The following ITGA9 variants were observed in gnomAD, a reference collection of about 807,000 sequenced individuals.
The protein encoded by ITGA9 is integrin alpha-9.
In ITGA9, 56 loss-of-function variants were observed where a neutral mutation model predicts 127.8. That is an observed-to-expected ratio of 0.44 (90% confidence interval 0.35 to 0.55). The LOEUF (loss-of-function observed/expected upper bound fraction) is 0.55, where lower values mean the gene tolerates loss of function less well. ITGA9 is among the 20% of genes least tolerant of loss of function. ITGA9 has a pLI of 0.00. For missense variants in ITGA9, 1,196 were observed against 1,347.1 expected (o/e 0.89, Z 1.76); for synonymous variants, 508 against 514.5 (o/e 0.99, Z 0.17).
intron 18 of ITGA9, among the ~76,000 whole-genome samples, chr3:37,686,469 C>T (rs762398458): frequency 2.6e-5 from 4 of 152,166 alleles, no homozygotes; most frequent in African/African-American, 9.6e-5. Context: ...GCCTCCCAAG[C>T]ATGCTGGACA....
chr3:37,752,198 T>G (rs1696595111), intron 23 of ITGA9, among the ~76,000 whole-genome samples: 1 of 152,234 alleles, frequency 6.6e-6, no homozygotes, highest in Non-Finnish European at 1.5e-5. Flanking sequence ...GAATGCTCAC[T>G]GGGTCAGGTG....
chr3:37,671,084 C>T (rs530910399), intron 17 of ITGA9, among the ~76,000 whole-genome samples: 3 of 152,248 alleles, frequency 2.0e-5, no homozygotes, highest in Non-Finnish European at 2.9e-5. Context: ...CGCTGCACAC[C>T]GGGGCTGTCT....
At chr3:37,775,194 AAGG>A (rs1358177124) in intron 23 of ITGA9, among the ~76,000 whole-genome samples, 2 of 152,246 alleles carry the variant, frequency 1.3e-5, no homozygotes, top group Non-Finnish European at 2.9e-5. Flanking sequence ...ACTCCATTAA[AAGG>A]AGGGCAAAGG....
intron 23 of ITGA9, among the ~76,000 whole-genome samples, chr3:37,775,886 G>A (rs144989567): frequency 0.019 from 2,899 of 152,206 alleles, 99 homozygotes; most frequent in African/African-American, 0.065. Flanking sequence ...GCACATGAAT[G>A]TTCATTGCAG....
At chr3:37,719,075 T>C (rs1156474050) in intron 18 of ITGA9, among the ~76,000 whole-genome samples, 1 of 152,206 alleles carries the variant, frequency 6.6e-6, no homozygotes, top group East Asian at 1.9e-4. Flanking sequence ...AAGTGTCATA[T>C]TGGGATTCAT....
chr3:37,705,864 G>C (rs534451379), intron 18 of ITGA9, among the ~76,000 whole-genome samples: 3 of 152,190 alleles, frequency 2.0e-5, no homozygotes, highest in South Asian at 2.1e-4. Flanking sequence ...ACTTCCTCTG[G>C]CCCACCCCGA....
intron 18 of ITGA9, among the ~76,000 whole-genome samples, chr3:37,730,480 T>G (rs1173882839): frequency 1.3e-5 from 2 of 152,234 alleles, no homozygotes; most frequent in East Asian, 3.8e-4. Context: ...CTGGTTTTCC[T>G]TATTGAAATT....
At chr3:37,574,436 C>T (rs1017023775) in intron 15 of ITGA9, among the ~76,000 whole-genome samples, 6 of 152,164 alleles carry the variant, frequency 3.9e-5, no homozygotes, top group Non-Finnish European at 7.4e-5. Context: ...CCAAGAGTCA[C>T]CTTTGCTGAT....
At chr3:37,458,280 T>G (rs1441164852) in intron 1 of ITGA9, among the ~76,000 whole-genome samples, 1 of 152,170 alleles carries the variant, frequency 6.6e-6, no homozygotes, top group Non-Finnish European at 1.5e-5. Context: ...GCACATTCAC[T>G]GGGGGCTTGT....
chr3:37,573,733 A>C (rs955114326), intron 15 of ITGA9, among the ~76,000 whole-genome samples: 1 of 152,262 alleles, frequency 6.6e-6, no homozygotes, highest in African/African-American at 2.4e-5. Context: ...ATATTTTTAC[A>C]TTGAAAGAAG....
intron 18 of ITGA9, among the ~76,000 whole-genome samples, chr3:37,714,556 C>T (rs992114297): frequency 1.3e-5 from 2 of 152,194 alleles, no homozygotes; most frequent in African/African-American, 4.8e-5. Context: ...AGACCATCCT[C>T]CATGTGGGTC....
chr3:37,562,579 T>A (rs1699504374), intron 15 of ITGA9, among the ~76,000 whole-genome samples: 1 of 152,216 alleles, frequency 6.6e-6, no homozygotes, highest in African/African-American at 2.4e-5. Flanking sequence ...GTTCAGTGGT[T>A]GTTTTCATTC....
chr3:37,546,589 A>T (rs1174097382), intron 15 of ITGA9, among the ~76,000 whole-genome samples: 1 of 152,180 alleles, frequency 6.6e-6, no homozygotes, highest in Non-Finnish European at 1.5e-5. Context: ...GGCCCTGGGG[A>T]TGCCACTGTC....
At chr3:37,816,708 G>A (rs956437371) in intron 27 of ITGA9, among the ~76,000 whole-genome samples, 9 of 152,182 alleles carry the variant, frequency 5.9e-5, no homozygotes, top group Non-Finnish European at 1.0e-4. Flanking sequence ...AAGTATATGT[G>A]TGGGGGCGTC....
At chr3:37,673,205 C>T (rs1162834067) in intron 17 of ITGA9, among the ~76,000 whole-genome samples, 4 of 152,160 alleles carry the variant, frequency 2.6e-5, no homozygotes, top group African/African-American at 4.8e-5. Flanking sequence ...TTTAGTACCT[C>T]GTTGCACTTT....
chr3:37,803,155 G>A lies in ITGA9; in HGVS notation c.2890-668G>A, dbSNP rs189285931. 3.9e-5 allele frequency among the ~76,000 whole-genome samples: 6 copies of A among 152,282 alleles called. No individual in the cohort carries two copies. In the East Asian group the frequency reaches 5.8e-4, roughly 15 times the overall value. ...GCTGCCTTACATGCAGAGCACTCCC[G>A]TGTTCTTTGTTTCAAAGCTGAAACA... On this transcript the variant is annotated intron_variant, in intron 26 of 27. Transcript: ENST00000264741.
chr3:37,783,023 C>T (rs1696996095), intron 25 of ITGA9, among the ~76,000 whole-genome samples: 1 of 152,032 alleles, frequency 6.6e-6, no homozygotes, highest in South Asian at 2.1e-4. Flanking sequence ...CCTGTAGTCT[C>T]AGCTACTCGG....
rs548463635 is a variant in ITGA9, at chr3:37,511,021, G to A, written c.897+2394G>A. 2.6e-5 allele frequency among the ~76,000 whole-genome samples: 4 copies of A among 152,272 alleles called. No individual in the cohort carries two copies. In the East Asian group the frequency reaches 7.7e-4, roughly 29 times the overall value. On this transcript the variant is annotated intron_variant, in intron 8 of 27. Transcript: ENST00000264741. Reference sequence around the variant, plus strand: ...CCTCCTACAAAAGGACATGACCCCAGGCTTTCAAAGGATGCCTTTAGATTT... The same window carrying A: ...CCTCCTACAAAAGGACATGACCCCAAGCTTTCAAAGGATGCCTTTAGATTT...
At chr3:37,616,665 A>C (rs1387821293) in intron 15 of ITGA9, among the ~76,000 whole-genome samples, 1 of 152,184 alleles carries the variant, frequency 6.6e-6, no homozygotes, top group Non-Finnish European at 1.5e-5. Flanking sequence ...GGGTGCATAT[A>C]TATTTAGGAT....
Sources: allele counts gnomAD v4.1 joint callset (sites outside exome capture counted in the v4.1 genomes callset), GRCh38; gene constraint gnomAD v4.1.1; transcripts MANE v1.5; gene names NCBI Gene and HGNC (gene_info 2026-07-23, HGNC 2026-07-21).